CCZ1B: variants seen among roughly 807,000 people sequenced by gnomAD.
CCZ1B encodes the protein vacuolar fusion protein CCZ1 homolog B.
Under a neutral mutation model 58.8 loss-of-function variants are expected in CCZ1B, and 25 were observed. That is an observed-to-expected ratio of 0.43 (90% CI 0.31 to 0.59). CCZ1B has a LOEUF of 0.59. Ranked by LOEUF, CCZ1B falls within the 20% of genes least tolerant of loss-of-function variation. The pLI, the probability that CCZ1B is intolerant of heterozygous loss-of-function variation, is 0.12. For synonymous variants in CCZ1B, 66 were observed against 173.2 expected, an observed-to-expected ratio of 0.38 and a Z score of 4.86; for missense variants, 180 against 501.5, an observed-to-expected ratio of 0.36 and a Z score of 6.12.
chr7:6,823,205 T>C (rs1583558121), intron 5 of CCZ1B, 108 bp downstream of exon 5: 1 of 1,449,656 alleles, frequency 6.9e-7, no homozygotes. Context: ...CTAAGACAAA[T>C]ACAGAGTCAC....
At chr7:6,801,826 G>A (rs1331158137) in intron 12 of CCZ1B, among the ~76,000 whole-genome samples, 1 of 103,516 alleles carries the variant, frequency 9.7e-6, no homozygotes, top group Non-Finnish European at 2.0e-5. Flanking sequence ...CACCCGCCTT[G>A]GCCTCCCAAA....
At position 6,826,243 on chromosome 7, in the gene CCZ1B, G is replaced by A. The variant is rs376268868; in HGVS notation, c.-46C>T. ...GGGAGCCTCCCACGGCCCGCCCAGA[G>A]ACAGCAGCCACCGGCTAAAACACCG... On this transcript the variant is annotated 5_prime_UTR_variant, in exon 1 of 15. Coordinates refer to ENST00000316731, the MANE Select transcript of CCZ1B (RefSeq NM_198097.5). 2,384 of 588,560 alleles carry A rather than the reference G, an allele frequency of 4.1e-3. 13 individuals are homozygous for A. The highest frequency in any genetic ancestry group is 4.0e-3 in the Non-Finnish European group (1,374 of 340,208). The allele number at this position is 588,560 out of a possible 1,614,324, so 36.5% of individuals were successfully genotyped here.
chr7:6,820,600 G>C (rs926427774), intron 6 of CCZ1B, among the ~76,000 whole-genome samples: 2 of 148,658 alleles, frequency 1.3e-5, no homozygotes, highest in African/African-American at 5.1e-5. Flanking sequence ...ACAGGCATGA[G>C]CCACTGTGCC....
rs1376891245 is a variant in CCZ1B at position 6,808,411 on chromosome 7, C to CA, written c.955-2375dup. On this transcript the variant is annotated intron_variant, in intron 10 of 14. Coordinates refer to ENST00000316731, the MANE Select transcript of CCZ1B (RefSeq NM_198097.5). Reference sequence around the variant, plus strand: ...AAAAAAAAAAAAACAAAAAACAAAACAAAAACCCAAAAAACCAAACCAACC... The same window carrying CA: ...AAAAAAAAAAAAACAAAAAACAAAACAAAAAACCCAAAAAACCAAACCAACC... 4.3e-5 allele frequency among the ~76,000 whole-genome samples: 6 copies of CA among 139,458 alleles called. No individual in the cohort carries two copies. The South Asian group carries it at 1.4e-3, about 33-fold the overall frequency. The allele number at this position is 139,458 out of a possible 152,430, so 91.5% of individuals were successfully genotyped here.
intron 3 of CCZ1B, 119 bp downstream of exon 3, chr7:6,824,336 A>C: frequency 9.9e-6 from 13 of 1,314,602 alleles, no homozygotes; most frequent in Non-Finnish European, 1.3e-5. Flanking sequence ...ATTGCAACCA[A>C]TTTTATTTTA....
chr7:6,818,504 G>A (rs1240418551), intron 7 of CCZ1B, among the ~76,000 whole-genome samples: 2 of 148,440 alleles, frequency 1.3e-5, no homozygotes, highest in East Asian at 1.9e-4. Context: ...AGCCAAGATC[G>A]CGCCACTGTA....
At chr7:6,820,380 A>C (rs1448885748) in intron 6 of CCZ1B, among the ~76,000 whole-genome samples, 1 of 148,854 alleles carries the variant, frequency 6.7e-6, no homozygotes, top group Non-Finnish European at 1.5e-5. Context: ...GGGTTTCACC[A>C]TGTTAGCCAG....
chr7:6,814,081 A>G (rs576433560), intron 8 of CCZ1B, among the ~76,000 whole-genome samples: 1 of 149,022 alleles, frequency 6.7e-6, no homozygotes, highest in Non-Finnish European at 1.5e-5. Flanking sequence ...AGGAAGCGGA[A>G]GTTGCAGTGA....
At chr7:6,804,224 A>G (rs1288750390) in intron 12 of CCZ1B, among the ~76,000 whole-genome samples, 1 of 132,128 alleles carries the variant, frequency 7.6e-6, no homozygotes, top group African/African-American at 2.9e-5. Context: ...CAGGAGTTCA[A>G]GACCAATCTG....
At chr7:6,816,496 AT>A (rs1243325296) in intron 7 of CCZ1B, among the ~76,000 whole-genome samples, 3 of 150,318 alleles carry the variant, frequency 2.0e-5, no homozygotes, top group East Asian at 3.9e-4. Context: ...AAAAAAAAAA[AT>A]CAAAGCAATA....
chr7:6,804,467 T>A (rs979239917), intron 12 of CCZ1B, among the ~76,000 whole-genome samples: 1 of 119,234 alleles, frequency 8.4e-6, no homozygotes, highest in African/African-American at 3.2e-5. Context: ...CATTTCAGTG[T>A]CTAGAGAGCC....
chr7:6,805,881 ACC>A, intron 11 of CCZ1B, 121 bp downstream of exon 11: 1 of 1,444,046 alleles, frequency 6.9e-7, no homozygotes, highest in Middle Eastern at 1.8e-4. Flanking sequence ...CAAGAGTGAA[ACC>A]CCGTCTCCAA....
chr7:6,800,123 TGGGGCATCTCCCAAG>T (rs1480457300), intron 14 of CCZ1B, among the ~76,000 whole-genome samples: 8 of 110,474 alleles, frequency 7.2e-5, no homozygotes, highest in African/African-American at 2.9e-4. Context: ...AGTGTACACG[TGGGGCATCTCCCAAG>T]GGGGCAGCTC....
chr7:6,814,931 T>G (rs1327501549), intron 7 of CCZ1B, 86 bp from the exon 8 acceptor site: 1 of 1,095,924 alleles, frequency 9.1e-7, no homozygotes, highest in African/African-American at 1.8e-5. Context: ...TAAACAAAAA[T>G]TTTTTTTTCA....
At chr7:6,813,395 G>A (rs1176210882) in intron 8 of CCZ1B, among the ~76,000 whole-genome samples, 2 of 149,382 alleles carry the variant, frequency 1.3e-5, no homozygotes, top group African/African-American at 5.1e-5. Context: ...AGAACAGCCT[G>A]GGCAACATGA....
At chr7:6,812,379 C>A in intron 9 of CCZ1B, 1 of 357,202 alleles carries the variant, frequency 2.8e-6, no homozygotes, top group South Asian at 2.4e-5. Context: ...ATCCCAGCTA[C>A]TAGAGAGGCT....
intron 6 of CCZ1B, among the ~76,000 whole-genome samples, chr7:6,820,176 C>T (rs1283218853): frequency 6.7e-6 from 1 of 149,194 alleles, no homozygotes; most frequent in Non-Finnish European, 1.5e-5. Flanking sequence ...TTGTGTTTTA[C>T]TGCTTTAAAT....
intron 5 of CCZ1B, 39 bp from the exon 6 acceptor site, chr7:6,822,403 C>G (rs781240729): frequency 1.3e-5 from 21 of 1,577,380 alleles, no homozygotes; most frequent in Non-Finnish European, 1.3e-5. Flanking sequence ...AAATCAGTTT[C>G]CTATGCTCAC....
chr7:6,824,793 T>C, intron 1 of CCZ1B, 56 bp from the exon 2 acceptor site: 2 of 1,498,628 alleles, frequency 1.3e-6, no homozygotes, highest in Non-Finnish European at 1.8e-6. Flanking sequence ...ATCTTAGCTA[T>C]TGAAAACGCT....
Sources: allele counts gnomAD v4.1 joint callset (sites outside exome capture counted in the v4.1 genomes callset), GRCh38; gene constraint gnomAD v4.1.1; transcripts MANE v1.5; gene names NCBI Gene and HGNC (gene_info 2026-07-23, HGNC 2026-07-21).